The following CRTC1 variants were observed in gnomAD, a reference collection of about 807,000 sequenced individuals.
CRTC1 encodes the protein CREB regulated transcription coactivator 1.
In CRTC1, 18 loss-of-function variants were observed where a neutral mutation model predicts 66.1. The ratio of observed to expected loss-of-function variants is 0.27; its 90% confidence interval spans 0.19 to 0.40. The LOEUF (loss-of-function observed/expected upper bound fraction) is 0.40. CRTC1 is among the 10% of genes least tolerant of loss of function. CRTC1 has a pLI of 1.00. For missense variants in CRTC1, 669 were observed against 887.9 expected, an observed-to-expected ratio of 0.75 and a Z score of 3.13; for synonymous variants, 416 against 398.8, an observed-to-expected ratio of 1.04 and a Z score of -0.51.
chr19:18,703,602 A>G (rs2053197348), intron 1 of CRTC1, among the ~76,000 whole-genome samples: 1 of 152,102 alleles, frequency 6.6e-6, no homozygotes, highest in African/African-American at 2.4e-5. Flanking sequence ...AGCTGAGATT[A>G]TAGGCATGCA....
intron 1 of CRTC1, among the ~76,000 whole-genome samples, chr19:18,732,996 A>G (rs937274686): frequency 6.6e-6 from 1 of 151,726 alleles, no homozygotes; most frequent in Non-Finnish European, 1.5e-5. Flanking sequence ...CTGAGGCAGG[A>G]GGATCATTTG....
At chr19:18,775,917 CAG>C in intron 13 of CRTC1, 96 bp downstream of exon 13, 1 of 1,336,302 alleles carries the variant, frequency 7.5e-7, no homozygotes. Context: ...GGAGGGTTGA[CAG>C]GGCCGGGGTT....
At chr19:18,749,368 A>T (rs543361320) in intron 4 of CRTC1, among the ~76,000 whole-genome samples, 2 of 152,100 alleles carry the variant, frequency 1.3e-5, no homozygotes, top group Non-Finnish European at 2.9e-5. Context: ...GACAGACTGG[A>T]GGCTCATACC....
chr19:18,695,939 TAA>T (rs2052976736), intron 1 of CRTC1, among the ~76,000 whole-genome samples: 1 of 152,094 alleles, frequency 6.6e-6, no homozygotes, highest in Non-Finnish European at 1.5e-5. Flanking sequence ...TATCCAGCCC[TAA>T]GTGTCAGCAG....
intron 8 of CRTC1, among the ~76,000 whole-genome samples, chr19:18,764,378 A>G (rs949589758): frequency 2.6e-5 from 4 of 152,240 alleles, no homozygotes; most frequent in Admixed American, 1.3e-4. Flanking sequence ...CCAACCAGGG[A>G]ACCAAGTCTC....
chr19:18,717,879 G>C (rs1228664142), intron 1 of CRTC1, among the ~76,000 whole-genome samples: 1 of 152,050 alleles, frequency 6.6e-6, no homozygotes, highest in Non-Finnish European at 1.5e-5. Context: ...CTGGGGAGAA[G>C]GCCTTTGACA....
intron 1 of CRTC1, among the ~76,000 whole-genome samples, chr19:18,705,683 C>G (rs2053246060): frequency 6.6e-6 from 1 of 152,190 alleles, no homozygotes; most frequent in Non-Finnish European, 1.5e-5. Context: ...ATTTTATGTT[C>G]CTACCAACAG....
chr19:18,753,431 C>A, intron 5 of CRTC1, 69 bp from the exon 6 acceptor site: 1 of 1,164,790 alleles, frequency 8.6e-7, no homozygotes, highest in South Asian at 1.3e-5. Context: ...ACGTGTCCTC[C>A]TGGTACCACC....
At chr19:18,744,590 C>A (rs2054189590) in intron 2 of CRTC1, among the ~76,000 whole-genome samples, 1 of 152,226 alleles carries the variant, frequency 6.6e-6, no homozygotes, top group Non-Finnish European at 1.5e-5. Context: ...CCAGCCCCCG[C>A]TTCATTCTGC....
chr19:18,709,428 C>T (rs970417404), intron 1 of CRTC1, among the ~76,000 whole-genome samples: 3 of 152,158 alleles, frequency 2.0e-5, no homozygotes, highest in Non-Finnish European at 2.9e-5. Flanking sequence ...GGCCAGGTGG[C>T]AGGAGCCAGG....
At chr19:18,696,595 T>A (rs971298838) in intron 1 of CRTC1, among the ~76,000 whole-genome samples, 1 of 152,124 alleles carries the variant, frequency 6.6e-6, no homozygotes, top group African/African-American at 2.4e-5. Context: ...CCAAGGCCCA[T>A]GCGGAGGACC....
At position 18,760,954 on chromosome 19, in the gene CRTC1, A is replaced by G. The variant is rs1259068496; in HGVS notation, c.886+726A>G. ...TCCCCACCTAGAACAGCCACCAGCC[A>G]TGGCTTCCTCCACTTGGGACCTCGC... On this transcript the variant is annotated intron_variant, in intron 8 of 13. Coordinates refer to ENST00000321949, the MANE Select transcript of CRTC1 (RefSeq NM_015321.3). This position sits in a 1 kb window ranked among gnomAD's most constrained non-coding sequence, Gnocchi z 6.2. Among the ~76,000 whole-genome samples the G allele has an allele frequency of 7.7e-6, 1 of 129,092 alleles. No homozygotes were observed. Among genetic ancestry groups the G allele is most frequent in the Non-Finnish European group, 1.6e-5 (1 of 61,928 alleles). 84.7% of individuals were successfully genotyped at this position (129,092 alleles called of 152,430 possible).
At chr19:18,722,448 C>T (rs369237539) in intron 1 of CRTC1, among the ~76,000 whole-genome samples, 2 of 152,124 alleles carry the variant, frequency 1.3e-5, no homozygotes, top group South Asian at 2.1e-4. Flanking sequence ...GAGATGAGAT[C>T]GTCTTGGATT....
chr19:18,753,684 C>A, intron 6 of CRTC1, 99 bp downstream of exon 6: 2 of 781,298 alleles, frequency 2.6e-6, no homozygotes, highest in Non-Finnish European at 4.3e-6. Flanking sequence ...GTGGCTTCAC[C>A]TTCCCAAGAC....
chr19:18,713,044 C>A (rs899453017), intron 1 of CRTC1, among the ~76,000 whole-genome samples: 1 of 151,706 alleles, frequency 6.6e-6, no homozygotes, highest in African/African-American at 2.4e-5. Flanking sequence ...CAGCAGTCTG[C>A]TTCCTGTCTC....
At chr19:18,775,130 C>G in intron 12 of CRTC1, 144 bp downstream of exon 12, 4 of 790,112 alleles carry the variant, frequency 5.1e-6, no homozygotes, top group Non-Finnish European at 8.1e-6. Flanking sequence ...CCTCGGCCCC[C>G]GCCCCGTCCC....
intron 1 of CRTC1, among the ~76,000 whole-genome samples, chr19:18,736,746 A>G (rs7251710): frequency 0.23 from 34,975 of 150,682 alleles, 4,512 homozygotes; most frequent in African/African-American, 0.33. Context: ...CACAGACAGC[A>G]CTTCCCTCCC....
intron 1 of CRTC1, among the ~76,000 whole-genome samples, chr19:18,704,902 C>G (rs796557030): frequency 7.1e-6 from 1 of 141,094 alleles, no homozygotes; most frequent in African/African-American, 2.7e-5. Context: ...CCACCCACCC[C>G]CTACCCCCCA....
At position 18,753,559 on chromosome 19, in the gene CRTC1, T is replaced by C. The variant is rs1405848713; in HGVS notation, c.598T>C (p.Ser200Pro). The change falls in exon 6 of 14, where the codon TCC becomes CCC. Residue 200 changes from serine to proline, a missense_variant. Physicochemically the swap from Ser to Pro is moderately conservative, Grantham distance 74. Transcript: ENST00000321949. ...CACATCAGAGGCAGACAAAAACCTT[T>C]CCAAGCAAGCATGGGACACCAAGAA... The part of the protein sequence containing the change: ...ETTSEADKNL[S>P]KQAWDTKKTG... 6.2e-7 allele frequency: 1 copy of C among 1,612,930 alleles called. No homozygotes were observed. The highest frequency in any genetic ancestry group is 1.3e-5 in the African/African-American group (1 of 74,846).
Sources: allele counts gnomAD v4.1 joint callset (sites outside exome capture counted in the v4.1 genomes callset), GRCh38; gene constraint gnomAD v4.1.1; non-coding constraint Gnocchi (gnomAD v3.1); transcripts MANE v1.5; gene names NCBI Gene and HGNC (gene_info 2026-07-23, HGNC 2026-07-21).